Variants in CTCF observed in about 807,000 individuals in gnomAD.
The protein encoded by CTCF is CCCTC-binding factor.
Under a neutral mutation model 72.3 loss-of-function variants are expected in CTCF, and 7 were observed. That is an observed-to-expected ratio of 0.10 (90% CI 0.06 to 0.18). The LOEUF (loss-of-function observed/expected upper bound fraction) is 0.18, where lower values mean the gene tolerates loss of function less well. CTCF is among the 10% of genes least tolerant of loss of function. CTCF has a pLI of 1.00. For synonymous variants in CTCF, 374 were observed against 315.8 expected (o/e 1.18, Z -1.95); for missense variants, 516 against 949.1 (o/e 0.54, Z 6.00).
At chr16:67,604,573 C>T (rs2051943994) in intron 2 of CTCF, among the ~76,000 whole-genome samples, 1 of 152,064 alleles carries the variant, frequency 6.6e-6, no homozygotes, top group African/African-American at 2.4e-5. Flanking sequence ...TATCTCCTGA[C>T]CTCATGATCC....
intron 2 of CTCF, among the ~76,000 whole-genome samples, chr16:67,604,574 C>T (rs917248520): frequency 1.9e-4 from 29 of 152,218 alleles, no homozygotes; most frequent in African/African-American, 7.0e-4. Context: ...ATCTCCTGAC[C>T]TCATGATCCA....
chr16:67,581,094 A>G (rs1009515036), intron 2 of CTCF, among the ~76,000 whole-genome samples: 3 of 149,130 alleles, frequency 2.0e-5, no homozygotes, highest in African/African-American at 7.5e-5. Flanking sequence ...GCACCCAGCT[A>G]ATTTTTTGTG....
At chr16:67,593,271 G>A (rs978837619) in intron 2 of CTCF, among the ~76,000 whole-genome samples, 8 of 151,710 alleles carry the variant, frequency 5.3e-5, no homozygotes, top group African/African-American at 1.7e-4. Flanking sequence ...ATGAGGTTTG[G>A]GGGTACAATT....
intron 7 of CTCF, among the ~76,000 whole-genome samples, chr16:67,623,996 G>T (rs562958617): frequency 1.3e-5 from 2 of 150,038 alleles, no homozygotes; most frequent in South Asian, 2.1e-4. Flanking sequence ...TGCAGTGAGC[G>T]GAGATCGCGC....
intron 2 of CTCF, among the ~76,000 whole-genome samples, chr16:67,574,648 ATCT>A (rs1349819683): frequency 7.7e-6 from 1 of 129,334 alleles, no homozygotes; most frequent in Non-Finnish European, 1.6e-5. Flanking sequence ...AGCCAAAAGC[ATCT>A]TTTTTTTTTT....
chr16:67,568,721 G>T (rs2142707802), intron 1 of CTCF, among the ~76,000 whole-genome samples: 1 of 151,972 alleles, frequency 6.6e-6, no homozygotes, highest in Middle Eastern at 3.4e-3. Flanking sequence ...GTAGAGACGG[G>T]GTTTTGCCAT....
chr16:67,578,800 T>C lies in CTCF; in HGVS notation c.-10+7536T>C, dbSNP rs2051539255. Among the ~76,000 whole-genome samples, 3 of 148,978 alleles carry C rather than the reference T, an allele frequency of 2.0e-5. No individual in the cohort carries two copies. The Admixed American group carries it at 2.0e-4, about 10-fold the overall frequency. On this transcript the variant is annotated intron_variant, in intron 2 of 11. Transcript: ENST00000264010. Reference sequence around the variant, plus strand: ...CCATCTCTACTAAAAATACAAAAATTAGCTGGGCGTGGTGGCAGGCGCCTG... The same window carrying C: ...CCATCTCTACTAAAAATACAAAAATCAGCTGGGCGTGGTGGCAGGCGCCTG...
intron 2 of CTCF, among the ~76,000 whole-genome samples, chr16:67,600,655 T>C (rs1411928174): frequency 6.6e-6 from 1 of 152,156 alleles, no homozygotes; most frequent in African/African-American, 2.4e-5. Context: ...GATTACAGGC[T>C]TGAGCCATCA....
At chr16:67,598,192 G>C (rs1388966786) in intron 2 of CTCF, among the ~76,000 whole-genome samples, 1 of 152,016 alleles carries the variant, frequency 6.6e-6, no homozygotes, top group Admixed American at 6.6e-5. Context: ...GCCCAGGCCT[G>C]GTCTCAGACT....
intron 2 of CTCF, among the ~76,000 whole-genome samples, chr16:67,602,862 GAGA>G (rs2051915645): frequency 2.1e-5 from 3 of 139,780 alleles, no homozygotes; most frequent in South Asian, 2.2e-4. Flanking sequence ...AAAAAAAAAA[GAGA>G]AGAAAATCTT....
intron 2 of CTCF, among the ~76,000 whole-genome samples, chr16:67,588,970 C>T (rs377576441): frequency 1.6e-4 from 25 of 151,960 alleles, no homozygotes; most frequent in East Asian, 5.9e-4. Context: ...GGATTACAGG[C>T]GTGAGCCACC....
At chr16:67,579,509 C>A (rs1342329302) in intron 2 of CTCF, among the ~76,000 whole-genome samples, 1 of 151,872 alleles carries the variant, frequency 6.6e-6, no homozygotes. Flanking sequence ...TGGGCACATG[C>A]CACCATGCCC....
chr16:67,593,089 T>C (rs1376466411), intron 2 of CTCF, among the ~76,000 whole-genome samples: 1 of 148,804 alleles, frequency 6.7e-6, no homozygotes, highest in Non-Finnish European at 1.5e-5. Context: ...TATATATTTG[T>C]ATATCTTTTT....
At chr16:67,601,294 CGTGTGTGTGTGT>C (rs58241150) in intron 2 of CTCF, among the ~76,000 whole-genome samples, 74 of 98,688 alleles carry the variant, frequency 7.5e-4, no homozygotes, top group South Asian at 2.0e-3. Flanking sequence ...ACTCTGTCAC[CGTGTGTGTGTGT>C]GTGTGTGTGT....
At chr16:67,618,039 GC>G (rs773855023) in intron 5 of CTCF, among the ~76,000 whole-genome samples, 1 of 152,182 alleles carries the variant, frequency 6.6e-6, no homozygotes, top group Non-Finnish European at 1.5e-5. Flanking sequence ...TGGGATGGGA[GC>G]TAAAATTCAG....
rs767277706 is a variant in CTCF at position 67,637,800 on chromosome 16, C to T, written c.2112C>T (p.Ala704=). ...CCGCAGAGGGAGAGGAAGAGGAGGC[C>T]CAGCCAGCTGCCACAGATGCCCCCA... ...AEPAEGEEEE[A]QPAATDAPNG... is the part of the protein sequence containing the mutation. The change falls in exon 12 of 12, where the codon GCC becomes GCT. Residue 704 remains alanine, a synonymous_variant. Coordinates refer to ENST00000264010, the MANE Select transcript of CTCF (RefSeq NM_006565.4). The T allele has an allele frequency of 2.5e-6, 4 of 1,612,784 alleles. No individual in the cohort carries two copies. In the African/African-American group the frequency reaches 5.3e-5, roughly 22 times the overall value.
intron 7 of CTCF, among the ~76,000 whole-genome samples, chr16:67,624,111 G>GTGTGTA (rs1267136091): frequency 7.5e-6 from 1 of 134,004 alleles, no homozygotes; most frequent in African/African-American, 3.1e-5. Context: ...GTGTGTGTGT[G>GTGTGTA]TGTGTATGTG....
intron 1 of CTCF, among the ~76,000 whole-genome samples, chr16:67,565,628 G>A (rs2051333113): frequency 6.9e-6 from 1 of 144,988 alleles, no homozygotes; most frequent in African/African-American, 2.6e-5. Context: ...AGCCGAGATT[G>A]TGCTGCTGCA....
At position 67,610,906 on chromosome 16, in the gene CTCF, A is replaced by G. The variant is rs1392062510; in HGVS notation, c.74A>G (p.Tyr25Cys). 6.5e-7 allele frequency: 1 copy of G among 1,531,368 alleles called. No homozygotes were observed. Among genetic ancestry groups the G allele is most frequent in the Non-Finnish European group, 8.8e-7 (1 of 1,139,266 alleles). The allele number at this position is 1,531,368 out of a possible 1,614,324, so 94.9% of individuals were successfully genotyped here. A position where few individuals can be genotyped will look rare whatever the true frequency, so the allele number is the denominator to read the frequency against. ...ATTAAAGGAAAGGAGAGAAAGACTTACCAGAGACGCCGGGAAGGGGGCCAG... is the reference window on the plus strand; with the variant it reads ...ATTAAAGGAAAGGAGAGAAAGACTTGCCAGAGACGCCGGGAAGGGGGCCAG... ...TFIKGKERKT[Y>C]QRRREGGQEE... The change falls in exon 3 of 12, where the codon TAC becomes TGC. Residue 25 changes from tyrosine (Y) to cysteine (C), a missense_variant. Physicochemically the swap from Tyr to Cys is radical, Grantham distance 194. Coordinates refer to ENST00000264010, the MANE Select transcript of CTCF (RefSeq NM_006565.4).
Sources: allele counts gnomAD v4.1 joint callset (sites outside exome capture counted in the v4.1 genomes callset), GRCh38; gene constraint gnomAD v4.1.1; transcripts MANE v1.5; gene names NCBI Gene and HGNC (gene_info 2026-07-23, HGNC 2026-07-21).